The following SPNS1 variants were observed in gnomAD, a reference collection of about 807,000 sequenced individuals.
SPNS1 encodes SPNS lysolipid transporter 1, lysophospholipid.
SPNS1 carries 22 observed loss-of-function variants against 50.3 expected under a neutral mutation model. The ratio of observed to expected loss-of-function variants is 0.44; its 90% confidence interval spans 0.31 to 0.62. The LOEUF is 0.62. SPNS1 is among the 20% of genes least tolerant of loss of function. SPNS1 has a pLI of 0.07. For synonymous variants in SPNS1, 295 were observed against 317.4 expected (o/e 0.93, Z 0.75); for missense variants, 576 against 728.6 (o/e 0.79, Z 2.41).
At chr16:28,977,181 G>A (rs559573623) in intron 2 of SPNS1, among the ~76,000 whole-genome samples, 8 of 152,080 alleles carry the variant, frequency 5.3e-5, no homozygotes, top group Non-Finnish European at 8.8e-5. Flanking sequence ...AGCTGGGCGT[G>A]GTGGCACGCC....
Position 28,981,576 on chromosome 16 carries a change from C to T in SPNS1, c.770C>T (p.Pro257Leu). The T allele has an allele frequency of 6.2e-7, 1 of 1,614,146 alleles. No homozygotes were observed. Among genetic ancestry groups the T allele is most frequent in the Middle Eastern group, 1.6e-4 (1 of 6,062 alleles). Residue 257 changes from proline to leucine, a missense_variant, in exon 6 of 12, where the codon CCC becomes CTC. This residue lies in a region of SPNS1 where 428 missense variants were observed against 520.1 expected (regional missense o/e 0.82). Transcript: ENST00000311008. The surrounding 1 kb of genome is among the most constrained non-coding windows in gnomAD (Gnocchi z 4.2). ...ERHSDLPPLN[P>L]TSWWADLRAL... ...CACTCAGATTTGCCACCCCTGAACC[C>T]CACCTCGTGGTGGGCAGATCTGAGG...
intron 3 of SPNS1, among the ~76,000 whole-genome samples, chr16:28,978,307 T>C (rs1349596785): frequency 9.9e-5 from 15 of 152,020 alleles, no homozygotes; most frequent in Admixed American, 9.8e-4. Flanking sequence ...AAACCCTACC[T>C]GGCCTGCCCT....
chr16:28,978,251 T>C (rs905893741), intron 3 of SPNS1, among the ~76,000 whole-genome samples: 2 of 151,728 alleles, frequency 1.3e-5, no homozygotes, highest in African/African-American at 4.9e-5. Flanking sequence ...CATTATCCCC[T>C]CTTCCCCTGA....
Position 28,974,939 on chromosome 16 carries a change from G to A in SPNS1, c.-213G>A. 1 of 1,498,122 alleles carries A rather than the reference G, an allele frequency of 6.7e-7. No homozygotes were observed. Among genetic ancestry groups the A allele is most frequent in the Non-Finnish European group, 8.9e-7 (1 of 1,124,268 alleles). The allele number at this position is 1,498,122 out of a possible 1,614,324, so 92.8% of individuals were successfully genotyped here. ...CCCCGACATCACGTGTATTCCGCAC[G>A]TCCCCTCCGCGCTGTGTGTCTACTG... On this transcript the variant is annotated 5_prime_UTR_variant, in exon 1 of 12. Transcript: ENST00000311008.
Position 28,979,444 on chromosome 16 carries a change from G to C in SPNS1, c.636G>C (p.Met212Ile), listed in dbSNP as rs901034920. 11 of 1,614,006 alleles carry C rather than the reference G, an allele frequency of 6.8e-6. No individual in the cohort carries two copies. Among genetic ancestry groups the C allele is most frequent in the Non-Finnish European group, 9.3e-6 (11 of 1,180,034 alleles). ...TTGCAGGCTCCAAAGTGAAGGATAT[G>C]GCTGGAGACTGGCACTGGGCTCTGA... Reference protein sequence around the residue: ...GYIAGSKVKDMAGDWHWALRV... With the variant: ...GYIAGSKVKDIAGDWHWALRV... The change falls in exon 5 of 12, where the codon ATG becomes ATC. Residue 212 changes from methionine to isoleucine, a missense_variant. Met to Ile is a conservative substitution (Grantham distance 10). Transcript: ENST00000311008.
chr16:28,978,762 C>T (rs1249568813), intron 3 of SPNS1: 4 of 196,544 alleles, frequency 2.0e-5, no homozygotes, highest in East Asian at 1.4e-4. Context: ...TGACTGTACC[C>T]GTCCTTAGCT....
chr16:28,982,842 C>T lies in SPNS1; in HGVS notation c.1156-15C>T, dbSNP rs767053389. ...GCCCTTACTGTCATGAACCCCCGAC[C>T]CTCTCTTCCCCCAGATTTTCATCTT... On this transcript the variant is annotated splice_polypyrimidine_tract_variant and intron_variant, in intron 8 of 11. Transcript: ENST00000311008. 106 of 1,613,658 alleles carry T rather than the reference C, an allele frequency of 6.6e-5. No homozygotes were observed. The highest frequency in any genetic ancestry group is 1.0e-4 in the Admixed American group (6 of 59,984).
Position 28,979,304 on chromosome 16 carries a change from C to T in SPNS1, c.594C>T (p.Gly198=), listed in dbSNP as rs1482115705. Residue 198 remains glycine (G), a splice_region_variant and synonymous_variant, in exon 4 of 12, where the codon GGC becomes GGT. Coordinates refer to ENST00000311008, the MANE Select transcript of SPNS1 (RefSeq NM_032038.3). The stretch of plus-strand genomic sequence containing the variant: ...TCTTCTACTTTGCCATTCCGGTGGG[C>T]AGGTGAGTGGGCCTGGGGCCTGGGG... ...LSIFYFAIPV[G]SGLGYIAGSK... 3.1e-6 allele frequency: 5 copies of T among 1,614,052 alleles called. No individual in the cohort carries two copies. The highest frequency in any genetic ancestry group is 4.2e-6 in the Non-Finnish European group (5 of 1,180,032).
Position 28,975,383 on chromosome 16 carries a change from A to C in SPNS1, c.232A>C (p.Thr78Pro), listed in dbSNP as rs1965306921. ...INLLNYMDRF[T>P]VAGVLPDIEQ... ...TCTCCTGAACTACATGGACCGCTTC[A>C]CCGTGGCTGGTAGGGACTCACTTCT... The change falls in exon 1 of 12, where the codon ACC becomes CCC. Residue 78 changes from threonine to proline, a missense_variant. By Grantham distance (38) the Thr-to-Pro change is conservative (BLOSUM62 -1). This residue lies in a region of SPNS1 where 144 missense variants were observed against 181.2 expected (regional missense o/e 0.79). Coordinates refer to ENST00000311008, the MANE Select transcript of SPNS1 (RefSeq NM_032038.3). 6.2e-7 allele frequency: 1 copy of C among 1,611,290 alleles called. No individual in the cohort carries two copies. The highest frequency in any genetic ancestry group is 1.7e-5 in the Admixed American group (1 of 59,942).
chr16:28,982,393 C>CTGGGTGTGGGCA lies in SPNS1; in HGVS notation c.1014_1015insATGGGTGTGGGC (p.Gly338_Leu339insMetGlyValGly). 2 of 1,608,578 alleles carry CTGGGTGTGGGCA rather than the reference C, an allele frequency of 1.2e-6. No homozygotes were observed. Among genetic ancestry groups the CTGGGTGTGGGCA allele is most frequent in the Non-Finnish European group, 1.7e-6 (2 of 1,176,670 alleles). ...ACTCATCACCTGCCTGACCGGAGTC[C>CTGGGTGTGGGCA]TGGGTGTGGGCCTGGGTGTGGAGAT... On this transcript the variant is annotated inframe_insertion, in exon 8 of 12. Coordinates refer to ENST00000311008, the MANE Select transcript of SPNS1 (RefSeq NM_032038.3).
rs900945365 is a variant in SPNS1, at chr16:28,983,344, G to A, written c.1320+54G>A. ...GTGGCTGGTGTCCTGAGCCTGGGCTGGATCAGAAGGCCTGGCCCTAGTGAA... is the reference window on the plus strand; with the variant it reads ...GTGGCTGGTGTCCTGAGCCTGGGCTAGATCAGAAGGCCTGGCCCTAGTGAA... On this transcript the variant is annotated intron_variant, in intron 10 of 11. Transcript: ENST00000311008. This position sits in a 1 kb window ranked among gnomAD's most constrained non-coding sequence, Gnocchi z 5.4. 38 of 1,411,408 alleles carry A rather than the reference G, an allele frequency of 2.7e-5. No homozygotes were observed. The African/African-American group carries it at 5.1e-4, about 19-fold the overall frequency. 87.4% of individuals were successfully genotyped at this position (1,411,408 alleles called of 1,614,324 possible). A position where few individuals can be genotyped will look rare whatever the true frequency, so the allele number is the denominator to read the frequency against.
In SPNS1 at chr16:28,984,489, G is replaced by C; in HGVS notation, c.*190G>C. ...TCCAGGAGGGGGATCCCTCTCCACA[G>C]GGGCAGCCCCAAGGGCTCGGTGCTA... On this transcript the variant is annotated 3_prime_UTR_variant, in exon 12 of 12. Transcript: ENST00000311008. 1.4e-6 allele frequency: 1 copy of C among 703,276 alleles called. No individual in the cohort carries two copies. The highest frequency in any genetic ancestry group is 2.7e-5 in the East Asian group (1 of 37,288). 43.6% of individuals were successfully genotyped at this position (703,276 alleles called of 1,614,324 possible). A position where few individuals can be genotyped will look rare whatever the true frequency, so the allele number is the denominator to read the frequency against.
At chr16:28,978,893 G>A in intron 3 of SPNS1, 1 of 507,118 alleles carries the variant, frequency 2.0e-6, no homozygotes, top group Non-Finnish European at 3.5e-6. Flanking sequence ...ACCTTTTATT[G>A]TCTAGTCCTT....
Position 28,975,006 on chromosome 16 carries a change from T to C in SPNS1, c.-146T>C. 2.1e-6 allele frequency: 3 copies of C among 1,442,988 alleles called. No individual in the cohort carries two copies. The highest frequency in any genetic ancestry group is 1.8e-6 in the Non-Finnish European group (2 of 1,100,236). The allele number at this position is 1,442,988 out of a possible 1,614,324, so 89.4% of individuals were successfully genotyped here. ...CAGGGCCCGGGTCCCTTCTCAGTGG[T>C]GCTCTGTGCTTCAGGGCAAGCTCCC... On this transcript the variant is annotated 5_prime_UTR_variant, in exon 1 of 12. Transcript: ENST00000311008.
intron 2 of SPNS1, 110 bp downstream of exon 2, chr16:28,975,667 G>A: frequency 8.2e-7 from 1 of 1,220,620 alleles, no homozygotes. Context: ...TTTGTGGCCA[G>A]TTAGGGGAGG....
chr16:28,975,821 G>T (rs1965322362), intron 2 of SPNS1, among the ~76,000 whole-genome samples: 1 of 152,192 alleles, frequency 6.6e-6, no homozygotes, highest in Admixed American at 6.5e-5. Context: ...GTGATGGTAG[G>T]CAAGGCACTC....
At chr16:28,975,596 CTTCTG>C in intron 2 of SPNS1, 39 bp downstream of exon 2, 2 of 1,610,846 alleles carry the variant, frequency 1.2e-6, no homozygotes, top group Middle Eastern at 1.7e-4. Context: ...GCCGCTCCTC[CTTCTG>C]TTCTGTCTCA....
Position 28,981,926 on chromosome 16 carries a change from G to T in SPNS1, c.835G>T (p.Gly279Cys). 1 of 1,614,162 alleles carries T rather than the reference G, an allele frequency of 6.2e-7. No individual in the cohort carries two copies. Among genetic ancestry groups the T allele is most frequent in the Non-Finnish European group, 8.5e-7 (1 of 1,180,032 alleles). The part of the protein sequence containing the change: ...RNPSFVLSSL[G>C]FTAVAFVTGS... Reference sequence around the variant, plus strand: ...TCCTAGTTTCGTCCTGTCTTCCCTGGGCTTCACTGCTGTGGCCTTTGTCAC... The same window carrying T: ...TCCTAGTTTCGTCCTGTCTTCCCTGTGCTTCACTGCTGTGGCCTTTGTCAC... Residue 279 changes from glycine (G) to cysteine (C), a missense_variant, in exon 7 of 12, where the codon GGC (glycine) becomes TGC (cysteine). Physicochemically the swap from Gly to Cys is radical, Grantham distance 159. Coordinates refer to ENST00000311008, the MANE Select transcript of SPNS1 (RefSeq NM_032038.3). The surrounding 1 kb of genome is among the most constrained non-coding windows in gnomAD (Gnocchi z 4.2).
intron 11 of SPNS1, 21 bp from the exon 12 acceptor site, chr16:28,984,184 G>A: frequency 6.5e-7 from 1 of 1,546,636 alleles, no homozygotes; most frequent in Non-Finnish European, 8.7e-7. Context: ...GCTCACCCTG[G>A]CTCTGACCCT....
Sources: gnomAD v4.1 joint callset for allele counts (sites outside exome capture counted in the v4.1 genomes callset) on GRCh38, gnomAD v4.1.1 for gene constraint, gnomAD v4.1.1 regional missense constraint, Gnocchi (gnomAD v3.1) non-coding constraint, MANE v1.5 for transcripts, NCBI Gene and HGNC (gene_info 2026-07-23, HGNC 2026-07-21) for gene names.